Variants in PARVA observed in about 807,000 individuals in gnomAD.
PARVA encodes alpha-parvin.
A neutral mutation model predicts 52.6 loss-of-function variants in PARVA; 25 were observed. That is an observed-to-expected ratio of 0.48 (90% CI 0.35 to 0.66). The LOEUF is 0.66. Among genes scored for constraint, PARVA ranks in the 30% least tolerant of loss-of-function variants. The probability of loss-of-function intolerance (pLI) is 0.01; values close to 1 mark genes in which losing one functional copy is unlikely to be tolerated. For synonymous variants in PARVA, 185 were observed against 179.1 expected, an observed-to-expected ratio of 1.03 and a Z score of -0.26; for missense variants, 373 against 450.9, an observed-to-expected ratio of 0.83 and a Z score of 1.56.
intron 1 of PARVA, among the ~76,000 whole-genome samples, chr11:12,397,774 T>A (rs76212770): frequency 6.6e-6 from 1 of 151,546 alleles, no homozygotes; most frequent in South Asian, 2.1e-4. Context: ...TTCTTAACCA[T>A]CTCTCCACTC....
intron 1 of PARVA, among the ~76,000 whole-genome samples, chr11:12,385,854 T>C (rs1939565341): frequency 6.6e-6 from 1 of 152,340 alleles, no homozygotes; most frequent in East Asian, 1.9e-4. Context: ...ACTTGGGCTG[T>C]ACAAAATAGA....
In PARVA at chr11:12,527,987, C is replaced by T; in HGVS notation, c.*62C>T. 1 of 1,150,294 alleles carries T rather than the reference C, an allele frequency of 8.7e-7. No homozygotes were observed. Among genetic ancestry groups the T allele is most frequent in the South Asian group, 1.2e-5 (1 of 81,854 alleles). The allele number at this position is 1,150,294 out of a possible 1,614,324, so 71.3% of individuals were successfully genotyped here. ...TGCTGTTGGCGTACTGGACCCTCCTCCGAACTGCCTTACCCTGCTTATTCC... is the reference window on the plus strand; with the variant it reads ...TGCTGTTGGCGTACTGGACCCTCCTTCGAACTGCCTTACCCTGCTTATTCC... On this transcript the variant is annotated 3_prime_UTR_variant, in exon 13 of 13. Coordinates refer to ENST00000334956, the MANE Select transcript of PARVA (RefSeq NM_018222.5).
rs11825314 is a variant in PARVA at position 12,435,920 on chromosome 11, T to A, written c.137-37825T>A. On this transcript the variant is annotated intron_variant, in intron 1 of 12. Transcript: ENST00000334956. ...GCAACCTCTGCTTCCCGGGTTCAAG[T>A]TTCCGGATTCACCTGCCTCAGCCTC... is the stretch of plus-strand genomic sequence containing the variant. Among the ~76,000 whole-genome samples the A allele has an allele frequency of 5.2e-3, 795 of 152,156 alleles. 7 individuals carry two copies. Among genetic ancestry groups the A allele is most frequent in the African/African-American group, 0.018 (751 of 41,526 alleles).
At chr11:12,455,987 G>A (rs1479438499) in intron 1 of PARVA, among the ~76,000 whole-genome samples, 1 of 152,172 alleles carries the variant, frequency 6.6e-6, no homozygotes, top group South Asian at 2.1e-4. Context: ...ATTGTGTGGG[G>A]CTTTTCTAGT....
chr11:12,409,199 A>G (rs1245167197), intron 1 of PARVA, among the ~76,000 whole-genome samples: 1 of 152,196 alleles, frequency 6.6e-6, no homozygotes. Context: ...AATACAATTA[A>G]GTAAGGTTAT....
rs918331337 is a variant in PARVA, at chr11:12,521,568, A to G, written c.1042+3051A>G. ...AATAATGTGGTCTCCACCCCTGGCC[A>G]AAAACGTCCAGGTCCTAATCCTCGG... On this transcript the variant is annotated intron_variant, in intron 12 of 12. Transcript: ENST00000334956. 4.6e-5 allele frequency among the ~76,000 whole-genome samples: 7 copies of G among 152,356 alleles called. No homozygotes were observed. The East Asian group carries it at 7.7e-4, about 17-fold the overall frequency.
At chr11:12,440,839 C>G (rs1258647053) in intron 1 of PARVA, among the ~76,000 whole-genome samples, 2 of 152,242 alleles carry the variant, frequency 1.3e-5, no homozygotes, top group Non-Finnish European at 2.9e-5. Context: ...TACTAAGTCT[C>G]TCCGACTTCC....
At chr11:12,409,708 G>A (rs891035600) in intron 1 of PARVA, among the ~76,000 whole-genome samples, 4 of 152,232 alleles carry the variant, frequency 2.6e-5, no homozygotes, top group African/African-American at 7.2e-5. Flanking sequence ...AGAACGGAAT[G>A]CAGCCCTGCC....
At chr11:12,444,598 C>G (rs1451962810) in intron 1 of PARVA, among the ~76,000 whole-genome samples, 2 of 152,030 alleles carry the variant, frequency 1.3e-5, no homozygotes, top group African/African-American at 2.4e-5. Context: ...GCATGCATCA[C>G]CTCACCCAGC....
At chr11:12,469,474 C>T (rs148184128) in intron 1 of PARVA, among the ~76,000 whole-genome samples, 2 of 152,110 alleles carry the variant, frequency 1.3e-5, no homozygotes, top group East Asian at 3.9e-4. Flanking sequence ...CATTCTGTGC[C>T]GAGAAAATTC....
chr11:12,387,105 C>T (rs1565323764), intron 1 of PARVA, among the ~76,000 whole-genome samples: 1 of 152,262 alleles, frequency 6.6e-6, no homozygotes, highest in Admixed American at 6.5e-5. Context: ...AATCTCCACT[C>T]ACTGTCATGG....
At chr11:12,398,116 G>T (rs971514785) in intron 1 of PARVA, 2 of 152,140 alleles carry the variant, frequency 1.3e-5, no homozygotes, top group Non-Finnish European at 2.9e-5. Context: ...TTTTAGGGAT[G>T]ACTGCTCCAC....
Position 12,533,201 on chromosome 11 carries a change from C to T in PARVA, c.*5276C>T, listed in dbSNP as rs866731517. On this transcript the variant is annotated 3_prime_UTR_variant, in exon 13 of 13. Coordinates refer to ENST00000334956, the MANE Select transcript of PARVA (RefSeq NM_018222.5). ...AGCTAGGGGAACTGGACAGAGTGGA[C>T]GAGGCTGCATGTGTGGAGGGAATGA... Among the ~76,000 whole-genome samples, 5 of 152,148 alleles carry T rather than the reference C, an allele frequency of 3.3e-5. No homozygotes were observed. The highest frequency in any genetic ancestry group is 2.1e-4 in the South Asian group (1 of 4,830).
chr11:12,434,564 T>C (rs1940362311), intron 1 of PARVA, among the ~76,000 whole-genome samples: 1 of 152,176 alleles, frequency 6.6e-6, no homozygotes. Context: ...GCTTGGATCA[T>C]TCTATGTCTG....
intron 1 of PARVA, among the ~76,000 whole-genome samples, chr11:12,427,757 C>T (rs989177334): frequency 2.0e-5 from 3 of 152,176 alleles, no homozygotes; most frequent in African/African-American, 7.2e-5. Flanking sequence ...GTAAAAACAT[C>T]AAATACAGCT....
chr11:12,504,679 T>C, intron 6 of PARVA, among the ~76,000 whole-genome samples: 1 of 151,926 alleles, frequency 6.6e-6, no homozygotes, highest in East Asian at 1.9e-4. Context: ...CTATGGTTTA[T>C]GTGTTTTTGT....
chr11:12,515,612 G>A (rs1490049498), intron 10 of PARVA, among the ~76,000 whole-genome samples: 2 of 152,168 alleles, frequency 1.3e-5, no homozygotes, highest in Admixed American at 6.5e-5. Context: ...AGCTGTGAAT[G>A]ACCCCAACCC....
intron 1 of PARVA, among the ~76,000 whole-genome samples, chr11:12,401,930 T>A (rs1157187276): frequency 6.6e-6 from 1 of 152,192 alleles, no homozygotes; most frequent in Non-Finnish European, 1.5e-5. Context: ...AAGCAGTTAG[T>A]CAACCCATCA....
intron 4 of PARVA, among the ~76,000 whole-genome samples, chr11:12,494,080 T>C (rs1012028618): frequency 6.6e-6 from 1 of 152,218 alleles, no homozygotes; most frequent in African/African-American, 2.4e-5. Context: ...TACTAGTCTA[T>C]TATAAAGGAT....
Sources: allele counts gnomAD v4.1 joint callset (sites outside exome capture counted in the v4.1 genomes callset), GRCh38; gene constraint gnomAD v4.1.1; transcripts MANE v1.5; gene names NCBI Gene and HGNC (gene_info 2026-07-23, HGNC 2026-07-21).